The following NRXN3 variants were observed in gnomAD, a reference collection of about 807,000 sequenced individuals.
NRXN3 encodes the protein neurexin III.
In NRXN3, 32 loss-of-function variants were observed where a neutral mutation model predicts 137.6. The observed-to-expected ratio is 0.23, with a 90% CI of 0.18 to 0.31. The LOEUF is 0.31. Ranked by LOEUF, NRXN3 falls within the 10% of genes least tolerant of loss-of-function variation. NRXN3 has a pLI of 1.00. For missense variants in NRXN3, 1,574 were observed against 2,062.5 expected, an observed-to-expected ratio of 0.76 and a Z score of 4.59; for synonymous variants, 798 against 784.5, an observed-to-expected ratio of 1.02 and a Z score of -0.29.
At position 78,778,262 on chromosome 14, in the gene NRXN3, C is replaced by T. The variant is rs2098751241; in HGVS notation, c.2045-25358C>T. 4.6e-5 allele frequency among the ~76,000 whole-genome samples: 7 copies of T among 152,188 alleles called. 2 individuals are homozygous for T. In the South Asian group the frequency reaches 1.4e-3, roughly 31 times the overall value. On this transcript the variant is annotated intron_variant, in intron 8 of 20. Transcript: ENST00000335750. ...CCTTGAGAATGGTTTCTGCTTCTTA[C>T]ATTCTCAATGATAGACAAGTCTGAC...
At chr14:78,254,972 G>A (rs2069296426) in intron 2 of NRXN3, among the ~76,000 whole-genome samples, 1 of 151,952 alleles carries the variant, frequency 6.6e-6, no homozygotes, top group Admixed American at 6.6e-5. Flanking sequence ...GTTGCTCTGG[G>A]TATCTCATGT....
intron 4 of NRXN3, among the ~76,000 whole-genome samples, chr14:78,600,731 C>A (rs1334378434): frequency 6.6e-6 from 1 of 152,206 alleles, no homozygotes; most frequent in African/African-American, 2.4e-5. Context: ...GTGTCCCCAG[C>A]TTTCTATTAG....
At chr14:78,417,268 C>T (rs2093192174) in intron 4 of NRXN3, among the ~76,000 whole-genome samples, 1 of 152,234 alleles carries the variant, frequency 6.6e-6, no homozygotes, top group African/African-American at 2.4e-5. Flanking sequence ...ATGCTACCTA[C>T]ATACCGTGAT....
intron 20 of NRXN3, among the ~76,000 whole-genome samples, chr14:79,814,248 A>G (rs1409631804): frequency 6.6e-6 from 1 of 152,254 alleles, no homozygotes; most frequent in African/African-American, 2.4e-5. Flanking sequence ...TTCTTGGCAC[A>G]GCAGTCAAGC....
chr14:79,449,488 T>C (rs912493441), intron 15 of NRXN3, among the ~76,000 whole-genome samples: 1 of 152,224 alleles, frequency 6.6e-6, no homozygotes, highest in African/African-American at 2.4e-5. Flanking sequence ...TAGAAATTGC[T>C]GTTTAGATTC....
At chr14:78,180,368 A>G (rs1326228753) in intron 1 of NRXN3, among the ~76,000 whole-genome samples, 1 of 152,240 alleles carries the variant, frequency 6.6e-6, no homozygotes. Flanking sequence ...TGAAGCATCC[A>G]GTAGTAACAA....
intron 6 of NRXN3, chr14:78,695,561 C>T (rs1228947132): frequency 6.6e-6 from 1 of 151,984 alleles, no homozygotes. Context: ...TTCCCAACTC[C>T]CATTAGGAAA....
chr14:79,221,601 T>C lies in NRXN3; in HGVS notation c.3262+233460T>C, dbSNP rs575823746. ...TTCACCTACTTTGTGATGGGGTTGT[T>C]TGTTTTTTTCTTGTAAAATTTTTAA... On this transcript the variant is annotated intron_variant, in intron 15 of 20. Transcript: ENST00000335750. Among the ~76,000 whole-genome samples, 7 of 152,268 alleles carry C rather than the reference T, an allele frequency of 4.6e-5. No homozygotes were observed. In the East Asian group the frequency reaches 1.4e-3, roughly 29 times the overall value.
chr14:79,445,741 A>C (rs2096053596), intron 15 of NRXN3, among the ~76,000 whole-genome samples: 1 of 152,204 alleles, frequency 6.6e-6, no homozygotes, highest in Non-Finnish European at 1.5e-5. Flanking sequence ...GAACAGAAGA[A>C]ATCCCAGTGC....
intron 16 of NRXN3, among the ~76,000 whole-genome samples, chr14:79,468,290 C>A (rs1300038357): frequency 1.3e-5 from 2 of 152,242 alleles, no homozygotes; most frequent in East Asian, 3.9e-4. Flanking sequence ...CATTTTATCA[C>A]CTGTGCAGTC....
intron 10 of NRXN3, among the ~76,000 whole-genome samples, chr14:78,924,817 C>G (rs1320354688): frequency 3.9e-5 from 6 of 152,210 alleles, no homozygotes; most frequent in Non-Finnish European, 8.8e-5. Context: ...GTACGCAATC[C>G]AAAAGGGATT....
intron 1 of NRXN3, among the ~76,000 whole-genome samples, chr14:78,191,750 G>C (rs2060753814): frequency 6.6e-6 from 1 of 152,142 alleles, no homozygotes; most frequent in South Asian, 2.1e-4. Flanking sequence ...AATGATGGGG[G>C]AACCAAGCAG....
intron 15 of NRXN3, among the ~76,000 whole-genome samples, chr14:79,455,022 T>A (rs983371398): frequency 3.3e-5 from 5 of 152,354 alleles, no homozygotes; most frequent in African/African-American, 1.2e-4. Flanking sequence ...TAGGTATTGG[T>A]ATTAAGATTA....
At chr14:79,696,810 T>A (rs1480198369) in intron 18 of NRXN3, among the ~76,000 whole-genome samples, 1 of 151,966 alleles carries the variant, frequency 6.6e-6, no homozygotes, top group East Asian at 1.9e-4. Flanking sequence ...GAGTTTTATA[T>A]GTTGCTTTCT....
At chr14:79,370,779 A>G (rs1367013219) in intron 15 of NRXN3, among the ~76,000 whole-genome samples, 1 of 152,188 alleles carries the variant, frequency 6.6e-6, no homozygotes, top group Non-Finnish European at 1.5e-5. Context: ...CAATAAAAAC[A>G]TTTCCCACAA....
intron 4 of NRXN3, among the ~76,000 whole-genome samples, chr14:78,553,763 G>C (rs2096714189): frequency 6.6e-6 from 1 of 152,128 alleles, no homozygotes; most frequent in Non-Finnish European, 1.5e-5. Flanking sequence ...TCTAAATCTT[G>C]CTCCTTTTTT....
At chr14:79,448,934 C>T (rs2096117778) in intron 15 of NRXN3, among the ~76,000 whole-genome samples, 1 of 152,174 alleles carries the variant, frequency 6.6e-6, no homozygotes, top group East Asian at 1.9e-4. Flanking sequence ...GCTCACTGCA[C>T]ATGAATTTCC....
intron 15 of NRXN3, among the ~76,000 whole-genome samples, chr14:79,406,793 G>A (rs962920145): frequency 2.6e-5 from 4 of 152,104 alleles, no homozygotes; most frequent in Non-Finnish European, 5.9e-5. Flanking sequence ...GTCAGCATGC[G>A]TCGTGAATAT....
At chr14:78,327,346 T>C (rs2080229998) in intron 4 of NRXN3, among the ~76,000 whole-genome samples, 1 of 152,144 alleles carries the variant, frequency 6.6e-6, no homozygotes, top group Admixed American at 6.5e-5. Context: ...AAGGGAATCC[T>C]AGGTGAAGCA....
Sources: allele counts gnomAD v4.1 joint callset (sites outside exome capture counted in the v4.1 genomes callset), GRCh38; gene constraint gnomAD v4.1.1; transcripts MANE v1.5; gene names NCBI Gene and HGNC (gene_info 2026-07-23, HGNC 2026-07-21).